Variants in CLEC16A observed in about 807,000 individuals in gnomAD.
CLEC16A encodes protein CLEC16A.
Under a neutral mutation model 109.5 loss-of-function variants are expected in CLEC16A, and 51 were observed. The ratio of observed to expected loss-of-function variants is 0.47; its 90% CI spans 0.37 to 0.59. The LOEUF (loss-of-function observed/expected upper bound fraction) is 0.59. CLEC16A is among the 20% of genes least tolerant of loss of function. The pLI, the probability that CLEC16A is intolerant of heterozygous loss-of-function variation, is 0.00. For missense variants in CLEC16A, 1,339 were observed against 1,394.0 expected (o/e 0.96, Z 0.63); for synonymous variants, 673 against 564.2 (o/e 1.19, Z -2.73).
At chr16:11,060,668 G>A (rs1460585206) in intron 18 of CLEC16A, among the ~76,000 whole-genome samples, 1 of 152,096 alleles carries the variant, frequency 6.6e-6, no homozygotes, top group Non-Finnish European at 1.5e-5. Flanking sequence ...TTCAGGTAAA[G>A]TAACCCAAAC....
chr16:11,063,874 G>T (rs192682174), intron 19 of CLEC16A, among the ~76,000 whole-genome samples: 2 of 151,768 alleles, frequency 1.3e-5, no homozygotes, highest in Non-Finnish European at 2.9e-5. Context: ...TGGCAGCCAC[G>T]TGTGCCACAT....
chr16:11,056,720 A>G (rs1387639044), intron 18 of CLEC16A: 1 of 152,252 alleles, frequency 6.6e-6, no homozygotes, highest in East Asian at 1.9e-4. Context: ...TAAAGAAAAT[A>G]CAATAACATC....
At chr16:10,956,508 G>A (rs890581882) in intron 1 of CLEC16A, among the ~76,000 whole-genome samples, 2 of 152,176 alleles carry the variant, frequency 1.3e-5, no homozygotes, top group Non-Finnish European at 2.9e-5. Context: ...TCCTCTTGGT[G>A]TCTGCTTTTC....
At chr16:11,025,008 A>G (rs1016411977) in intron 13 of CLEC16A, 87 bp downstream of exon 13, 2 of 996,436 alleles carry the variant, frequency 2.0e-6, no homozygotes, top group African/African-American at 3.2e-5. Flanking sequence ...GGACAAAGAA[A>G]GGTGCTTTCT....
At chr16:11,037,001 T>C (rs2047060580) in intron 13 of CLEC16A, among the ~76,000 whole-genome samples, 1 of 152,258 alleles carries the variant, frequency 6.6e-6, no homozygotes, top group African/African-American at 2.4e-5. Flanking sequence ...GACAGTGCTT[T>C]TTCTCTTTCG....
intron 11 of CLEC16A, 48 bp from the exon 12 acceptor site, chr16:11,020,145 G>A (rs2046008405): frequency 2.6e-6 from 4 of 1,559,162 alleles, no homozygotes; most frequent in Non-Finnish European, 3.5e-6. Flanking sequence ...ATAAATCTAG[G>A]GCTGAAAAGC....
chr16:10,992,191 C>T (rs985938101), intron 10 of CLEC16A, among the ~76,000 whole-genome samples: 12 of 152,166 alleles, frequency 7.9e-5, no homozygotes, highest in Admixed American at 7.2e-4. Flanking sequence ...AGTCACCCTT[C>T]TGTGCAATAG....
At chr16:11,064,530 A>C (rs1480556462) in intron 19 of CLEC16A, among the ~76,000 whole-genome samples, 1 of 152,232 alleles carries the variant, frequency 6.6e-6, no homozygotes, top group Non-Finnish European at 1.5e-5. Flanking sequence ...TAATCTCAGC[A>C]CTTTGGGAGT....
At chr16:11,000,689 A>G (rs1444042646) in intron 10 of CLEC16A, among the ~76,000 whole-genome samples, 1 of 152,254 alleles carries the variant, frequency 6.6e-6, no homozygotes, top group Non-Finnish European at 1.5e-5. Flanking sequence ...CCTGGACAGT[A>G]GAATCATGCA....
intron 19 of CLEC16A, among the ~76,000 whole-genome samples, chr16:11,067,189 G>GTTTTTTTTTTTTTTTTTTTT (rs71406205): frequency 3.0e-5 from 3 of 98,972 alleles, no homozygotes; most frequent in Non-Finnish European, 3.9e-5. Context: ...GTTTGTTTTT[G>GTTTTTTTTTTTTTTTTTTTT]TTTTTTTTTT....
At chr16:11,177,322 C>T (rs2068788948) in intron 23 of CLEC16A, among the ~76,000 whole-genome samples, 2 of 152,160 alleles carry the variant, frequency 1.3e-5, no homozygotes, top group Admixed American at 6.5e-5. Context: ...TGAAAAGGGC[C>T]GGGCACGGTG....
intron 22 of CLEC16A, among the ~76,000 whole-genome samples, chr16:11,151,752 C>T (rs568594382): frequency 6.6e-6 from 1 of 152,298 alleles, no homozygotes; most frequent in Non-Finnish European, 1.5e-5. Context: ...GTCCGTTAAG[C>T]TCATGGCAGC....
chr16:11,040,833 G>C (rs1057104886), intron 14 of CLEC16A: 21 of 152,118 alleles, frequency 1.4e-4, no homozygotes, highest in Admixed American at 1.4e-3. Flanking sequence ...TTTTTAGGCA[G>C]ATCCCCTTTT....
chr16:11,127,320 C>T (rs956193062), intron 22 of CLEC16A, among the ~76,000 whole-genome samples: 14 of 152,132 alleles, frequency 9.2e-5, no homozygotes, highest in Non-Finnish European at 1.5e-4. Context: ...TATGGATGGG[C>T]AAAAAAATCT....
chr16:11,075,400 G>GTGTGTC (rs1567282334), intron 19 of CLEC16A, among the ~76,000 whole-genome samples: 9 of 136,168 alleles, frequency 6.6e-5, no homozygotes, highest in South Asian at 2.4e-4. Flanking sequence ...GTGTGTGTGT[G>GTGTGTC]TGTGTGTGTG....
At chr16:11,047,448 A>G in intron 17 of CLEC16A, 106 bp downstream of exon 17, 1 of 673,850 alleles carries the variant, frequency 1.5e-6, no homozygotes, top group Non-Finnish European at 2.3e-6. Context: ...CTTTGTGACC[A>G]AATAGCACAG....
intron 8 of CLEC16A, among the ~76,000 whole-genome samples, chr16:10,977,706 C>T (rs1024609910): frequency 3.9e-5 from 6 of 151,988 alleles, no homozygotes; most frequent in South Asian, 4.2e-4. Context: ...GAAGAGACGG[C>T]GGCATTTCAC....
At chr16:11,165,125 C>T (rs2068202287) in intron 22 of CLEC16A, among the ~76,000 whole-genome samples, 1 of 152,112 alleles carries the variant, frequency 6.6e-6, no homozygotes, top group Non-Finnish European at 1.5e-5. Flanking sequence ...GAAGTCGTGG[C>T]CTGCAGAAAA....
At chr16:11,156,564 G>A (rs1395283654) in intron 22 of CLEC16A, 1 of 1,303,042 alleles carries the variant, frequency 7.7e-7, no homozygotes, top group East Asian at 5.6e-5. Flanking sequence ...TCCTCCTGCT[G>A]CCGTTTCAGC....
Sources: gnomAD v4.1 joint callset for allele counts (sites outside exome capture counted in the v4.1 genomes callset) on GRCh38, gnomAD v4.1.1 for gene constraint, MANE v1.5 for transcripts, NCBI Gene and HGNC (gene_info 2026-07-23, HGNC 2026-07-21) for gene names.